The following TRIM71 variants were observed in gnomAD, a reference collection of about 807,000 sequenced individuals.
TRIM71 encodes E3 ubiquitin-protein ligase TRIM71.
Under a neutral mutation model 61.2 loss-of-function variants are expected in TRIM71, and 9 were observed. That is an observed-to-expected ratio of 0.15 (90% CI 0.09 to 0.26). The LOEUF (loss-of-function observed/expected upper bound fraction) is 0.26. Ranked by LOEUF, TRIM71 falls within the 10% of genes least tolerant of loss-of-function variation. The pLI is 1.00. For synonymous variants in TRIM71, 645 were observed against 553.2 expected (o/e 1.17, Z -2.33); for missense variants, 998 against 1,238.7 (o/e 0.81, Z 2.92).
chr3:32,891,366 A>G lies in TRIM71; in HGVS notation c.2162A>G (p.Asn721Ser). 1 of 1,614,100 alleles carries G rather than the reference A, an allele frequency of 6.2e-7. No individual in the cohort carries two copies. The highest frequency in any genetic ancestry group is 8.5e-7 in the Non-Finnish European group (1 of 1,180,018). ...EGKILVSDTR[N>S]HRIQLFGPDG... ...AAGATCCTGGTCTCAGACACGAGGA[A>G]CCACCGGATCCAGCTGTTTGGGCCT... is the stretch of plus-strand genomic sequence containing the variant. Residue 721 changes from asparagine to serine, a missense_variant, in exon 4 of 4, where the codon AAC (asparagine) becomes AGC (serine). This residue lies in a region of TRIM71 where 83 missense variants were observed against 202.7 expected (regional missense o/e 0.41). Transcript: ENST00000383763. This position sits in a 1 kb window ranked among gnomAD's most constrained non-coding sequence, Gnocchi z 8.2.
rs755603036 is a variant in TRIM71 at position 32,818,254 on chromosome 3, C to T, written c.174C>T (p.Val58=). ...GGGCGGCGGCGCGCCGCCTACACGT[C>T]CTGCCCTGCCTGCACGCCTTCTGCC... is the stretch of plus-strand genomic sequence containing the variant. ...GPGAAARRLH[V]LPCLHAFCRP... The change falls in exon 1 of 4, where the codon GTC becomes GTT. Residue 58 remains valine (V), a synonymous_variant. Transcript: ENST00000383763. The T allele has an allele frequency of 2.6e-5, 37 of 1,447,172 alleles. No homozygotes were observed. Among genetic ancestry groups the T allele is most frequent in the Non-Finnish European group, 3.0e-5 (33 of 1,114,412 alleles). 89.6% of individuals were successfully genotyped at this position (1,447,172 alleles called of 1,614,324 possible).
intron 1 of TRIM71, among the ~76,000 whole-genome samples, chr3:32,833,716 CCTGACTTTTTTGTTTGAG>C (rs1696301629): frequency 1.3e-5 from 2 of 150,552 alleles, no homozygotes; most frequent in Non-Finnish European, 3.0e-5. Context: ...GGAAGAATGA[CCTGACTTTTTTGTTTGAG>C]AATCAAATGA....
Position 32,895,502 on chromosome 3 carries a change from G to A in TRIM71, c.*3691G>A, listed in dbSNP as rs1425258823. The A allele has an allele frequency of 6.6e-6, 1 of 152,184 alleles. No homozygotes were observed. Among genetic ancestry groups the A allele is most frequent in the African/African-American group, 2.4e-5 (1 of 41,444 alleles). 9.4% of individuals were successfully genotyped at this position (152,184 alleles called of 1,614,324 possible). On this transcript the variant is annotated 3_prime_UTR_variant, in exon 4 of 4. Transcript: ENST00000383763. ...TGTTTATATATGTGTTACCTTCCTC[G>A]TTGGAAGATTCTACGATTGCTCTGT...
chr3:32,828,783 G>T (rs937628292), intron 1 of TRIM71, among the ~76,000 whole-genome samples: 3 of 152,104 alleles, frequency 2.0e-5, no homozygotes, highest in Non-Finnish European at 4.4e-5. Flanking sequence ...ACAGGCGTGA[G>T]CCACCTCATC....
intron 1 of TRIM71, among the ~76,000 whole-genome samples, chr3:32,838,022 A>G (rs187935718): frequency 1.3e-5 from 2 of 152,284 alleles, no homozygotes; most frequent in Admixed American, 1.3e-4. Flanking sequence ...TGCTCAATCA[A>G]CACACTTTTC....
chr3:32,896,606 C>CA lies in TRIM71; in HGVS notation c.*4796dup, dbSNP rs1451499799. The stretch of plus-strand genomic sequence containing the variant: ...ATTATCATGAGGGGCTTATAAATGT[C>CA]ATGGTGAAGAAATACCTCAATGATG... On this transcript the variant is annotated 3_prime_UTR_variant, in exon 4 of 4. Coordinates refer to ENST00000383763, the MANE Select transcript of TRIM71 (RefSeq NM_001039111.3). 1 of 152,136 alleles carries CA rather than the reference C, an allele frequency of 6.6e-6. No individual in the cohort carries two copies. The highest frequency in any genetic ancestry group is 1.5e-5 in the Non-Finnish European group (1 of 68,028). The allele number at this position is 152,136 out of a possible 1,614,324, so 9.4% of individuals were successfully genotyped here.
At chr3:32,884,769 T>C (rs1468361968) in intron 2 of TRIM71, among the ~76,000 whole-genome samples, 20 of 152,122 alleles carry the variant, frequency 1.3e-4, no homozygotes, top group Admixed American at 8.5e-4. Flanking sequence ...TGATAGGAGC[T>C]AAGTGGCCTG....
intron 3 of TRIM71, 33 bp downstream of exon 3, chr3:32,886,101 C>T (rs768670943): frequency 2.5e-6 from 4 of 1,593,030 alleles, no homozygotes; most frequent in Admixed American, 3.5e-5. Context: ...CCAGGCTGTG[C>T]CCACTCGGCT....
chr3:32,886,264 C>G lies in TRIM71; in HGVS notation c.1155+196C>G, dbSNP rs551724743. ...GTGGGTGCTGTCTGCAGTAAAACAACAAGAAGCCTTTTCAGAAGTACGTGG... is the reference window on the plus strand; with the variant it reads ...GTGGGTGCTGTCTGCAGTAAAACAAGAAGAAGCCTTTTCAGAAGTACGTGG... On this transcript the variant is annotated intron_variant, in intron 3 of 3. Transcript: ENST00000383763. Among the ~76,000 whole-genome samples, 4 of 152,286 alleles carry G rather than the reference C, an allele frequency of 2.6e-5. No homozygotes were observed. In the East Asian group the frequency reaches 5.8e-4, roughly 22 times the overall value.
chr3:32,848,320 T>C (rs919978913), intron 1 of TRIM71, among the ~76,000 whole-genome samples: 3 of 152,224 alleles, frequency 2.0e-5, no homozygotes, highest in African/African-American at 7.2e-5. Context: ...TTCTGCCCTC[T>C]TAGTTCTACA....
chr3:32,870,621 T>C (rs1334525287), intron 1 of TRIM71, among the ~76,000 whole-genome samples: 1 of 152,184 alleles, frequency 6.6e-6, no homozygotes, highest in African/African-American at 2.4e-5. Flanking sequence ...TGACCAGGAT[T>C]TTTTTCTGGC....
rs1261805997 is a variant in TRIM71 at position 32,822,022 on chromosome 3, T to C, written c.852+3090T>C. Among the ~76,000 whole-genome samples the C allele has an allele frequency of 2.0e-5, 3 of 152,088 alleles. No individual in the cohort carries two copies. In the East Asian group the frequency reaches 5.8e-4, roughly 29 times the overall value. On this transcript the variant is annotated intron_variant, in intron 1 of 3. Transcript: ENST00000383763. ...CTCCAGCTGCTCACAAGTGACCCTT[T>C]AGTGTTGTTTTGCTTTTGGCACATA...
intron 3 of TRIM71, among the ~76,000 whole-genome samples, chr3:32,888,777 T>A (rs1696990360): frequency 1.3e-5 from 2 of 152,144 alleles, no homozygotes; most frequent in African/African-American, 4.8e-5. Flanking sequence ...TGACCTCAGG[T>A]GGTCCACCCA....
intron 1 of TRIM71, among the ~76,000 whole-genome samples, chr3:32,845,191 G>A (rs1696457997): frequency 6.6e-6 from 1 of 152,206 alleles, no homozygotes; most frequent in Non-Finnish European, 1.5e-5. Context: ...CTGTGGAGGG[G>A]AGTACAGTAA....
At chr3:32,826,014 T>C (rs1256789030) in intron 1 of TRIM71, among the ~76,000 whole-genome samples, 1 of 152,178 alleles carries the variant, frequency 6.6e-6, no homozygotes, top group Non-Finnish European at 1.5e-5. Flanking sequence ...CCCTTTACAT[T>C]TGAAACTGTT....
In TRIM71 at chr3:32,843,144, C is replaced by T. The variant is rs1342626905; in HGVS notation, c.852+24212C>T. Reference sequence around the variant, plus strand: ...TGGGACTAGGTTTGACTGAATTGGTCAAGTCATGCCTTTGTTGAGAAATAC... The same window carrying T: ...TGGGACTAGGTTTGACTGAATTGGTTAAGTCATGCCTTTGTTGAGAAATAC... On this transcript the variant is annotated intron_variant, in intron 1 of 3. Transcript: ENST00000383763. 2.0e-5 allele frequency among the ~76,000 whole-genome samples: 3 copies of T among 152,096 alleles called. No homozygotes were observed. In the South Asian group the frequency reaches 6.2e-4, roughly 32 times the overall value.
At chr3:32,826,781 G>A (rs903979208) in intron 1 of TRIM71, among the ~76,000 whole-genome samples, 1 of 150,728 alleles carries the variant, frequency 6.6e-6, no homozygotes, top group South Asian at 2.1e-4. Flanking sequence ...TTTTTGAGAC[G>A]GAGTCTTGCT....
chr3:32,879,348 A>G (rs538903058), intron 2 of TRIM71, among the ~76,000 whole-genome samples: 1 of 152,330 alleles, frequency 6.6e-6, no homozygotes, highest in African/African-American at 2.4e-5. Flanking sequence ...CTTTGCAATC[A>G]CAGCTTTGAC....
chr3:32,830,579 G>C (rs556278437), intron 1 of TRIM71, among the ~76,000 whole-genome samples: 11 of 152,226 alleles, frequency 7.2e-5, no homozygotes, highest in Non-Finnish European at 1.5e-4. Context: ...ACACCTCAGA[G>C]CAATTTGGCA....
Sources: allele counts gnomAD v4.1 joint callset (sites outside exome capture counted in the v4.1 genomes callset), GRCh38; gene constraint gnomAD v4.1.1; regional missense constraint gnomAD v4.1.1; non-coding constraint Gnocchi (gnomAD v3.1); transcripts MANE v1.5; gene names NCBI Gene and HGNC (gene_info 2026-07-23, HGNC 2026-07-21).